TPH1: variants seen among roughly 807,000 people sequenced by gnomAD.
The protein encoded by TPH1 is tryptophan hydroxylase 1.
A neutral mutation model predicts 49.5 loss-of-function variants in TPH1; 37 were observed. That is an observed-to-expected ratio of 0.75 (90% CI 0.58 to 0.98). The LOEUF is 0.98. TPH1 is among the 50% of genes least tolerant of loss of function. The pLI is 0.00. For synonymous variants in TPH1, 160 were observed against 182.1 expected (o/e 0.88, Z 0.98); for missense variants, 487 against 523.6 (o/e 0.93, Z 0.68).
In TPH1 at chr11:18,019,758, A is replaced by T. The variant is rs1590257885; in HGVS notation, c.*1233T>A. 1 of 457,476 alleles carries T rather than the reference A, an allele frequency of 2.2e-6. No individual in the cohort carries two copies. 28.3% of individuals were successfully genotyped at this position (457,476 alleles called of 1,614,324 possible). A position where few individuals can be genotyped will look rare whatever the true frequency, so the allele number is the denominator to read the frequency against. The stretch of plus-strand genomic sequence containing the variant: ...TAGTGACTAGAGGGAGGAAAGGGGC[A>T]AATTAAAGAGACATAAGTTTGTATT... On this transcript the variant is annotated 3_prime_UTR_variant, in exon 11 of 11. Coordinates refer to ENST00000682019, the MANE Select transcript of TPH1 (RefSeq NM_004179.3).
intron 3 of TPH1, 138 bp from the exon 4 acceptor site, chr11:18,033,512 A>G: frequency 1.5e-6 from 1 of 687,372 alleles, no homozygotes; most frequent in Non-Finnish European, 2.5e-6. Flanking sequence ...GGCAAGATTT[A>G]TATGAGTTAG....
Position 18,020,120 on chromosome 11 carries a change from A to T in TPH1, c.*871T>A, listed in dbSNP as rs767230692. The T allele has an allele frequency of 4.9e-6, 1 of 205,628 alleles. No homozygotes were observed. The highest frequency in any genetic ancestry group is 5.4e-5 in the Admixed American group (1 of 18,552). 12.7% of individuals were successfully genotyped at this position (205,628 alleles called of 1,614,324 possible). A position where few individuals can be genotyped will look rare whatever the true frequency, so the allele number is the denominator to read the frequency against. ...CTGTTAATCTGGGGACAATCCCATT[A>T]TAATACCTAGGACCACATGTCTGAG... On this transcript the variant is annotated 3_prime_UTR_variant, in exon 11 of 11. Transcript: ENST00000682019.
chr11:18,045,911 T>G (rs1014872342), intron 1 of TPH1, among the ~76,000 whole-genome samples: 3 of 152,142 alleles, frequency 2.0e-5, no homozygotes, highest in Non-Finnish European at 2.9e-5. Context: ...TCACACAGAC[T>G]TGGGTTGGAC....
rs1047508247 is a variant in TPH1, at chr11:18,031,538, G to C, written c.402+1736C>G. Among the ~76,000 whole-genome samples, 25 of 152,238 alleles carry C rather than the reference G, an allele frequency of 1.6e-4. No homozygotes were observed. In the East Asian group the frequency reaches 4.6e-3, roughly 28 times the overall value. Reference sequence around the variant, plus strand: ...AATAATAGTCATATTGAGGTTTTAGGTCATTCTAATGAGGATAAGGAGGAG... The same window carrying C: ...AATAATAGTCATATTGAGGTTTTAGCTCATTCTAATGAGGATAAGGAGGAG... On this transcript the variant is annotated intron_variant, in intron 4 of 10. Transcript: ENST00000682019.
intron 4 of TPH1, among the ~76,000 whole-genome samples, chr11:18,030,371 A>T (rs1026221705): frequency 1.3e-5 from 2 of 151,896 alleles, no homozygotes; most frequent in Non-Finnish European, 2.9e-5. Context: ...GCAGTGAGGT[A>T]TGATGGTGCT....
chr11:18,033,408 A>G (rs1554898834), intron 3 of TPH1, 34 bp from the exon 4 acceptor site: 1 of 1,471,424 alleles, frequency 6.8e-7, no homozygotes, highest in South Asian at 1.2e-5. Context: ...AATAAAAACC[A>G]GTAAAAGTTG....
intron 4 of TPH1, among the ~76,000 whole-genome samples, chr11:18,030,050 CAAT>C (rs1026553381): frequency 2.6e-5 from 4 of 152,044 alleles, no homozygotes; most frequent in Admixed American, 6.5e-5. Context: ...TTTGCAGAAA[CAAT>C]GATGATTTAA....
Position 18,018,856 on chromosome 11 carries a change from C to G in TPH1, c.*2135G>C, listed in dbSNP as rs1854325286. ...GTTATCAAAGTTGTATGAAAATAAC[C>G]ACATATAGTATGCATAATTTGTGTT... On this transcript the variant is annotated 3_prime_UTR_variant, in exon 11 of 11. Transcript: ENST00000682019. The G allele has an allele frequency of 6.6e-6, 1 of 151,566 alleles. No homozygotes were observed. Among genetic ancestry groups the G allele is most frequent in the South Asian group, 2.1e-4 (1 of 4,800 alleles). The allele number at this position is 151,566 out of a possible 1,614,324, so 9.4% of individuals were successfully genotyped here.
At chr11:18,026,361 C>T (rs1847928437) in intron 7 of TPH1, 129 bp downstream of exon 7, 1 of 879,824 alleles carries the variant, frequency 1.1e-6, no homozygotes, top group Non-Finnish European at 1.7e-6. Context: ...CTAAATGCTT[C>T]ACATGTGCTA....
At chr11:18,030,227 AG>A (rs1265459319) in intron 4 of TPH1, among the ~76,000 whole-genome samples, 2 of 151,086 alleles carry the variant, frequency 1.3e-5, no homozygotes, top group Non-Finnish European at 3.0e-5. Context: ...TGGGCAACAA[AG>A]GGAGACCCTG....
chr11:18,020,445 G>A lies in TPH1; in HGVS notation c.*546C>T, dbSNP rs538144815. On this transcript the variant is annotated 3_prime_UTR_variant, in exon 11 of 11. Coordinates refer to ENST00000682019, the MANE Select transcript of TPH1 (RefSeq NM_004179.3). ...TTACTAGGTATCCTCCATGTGCAAA[G>A]GCCTCTATACTTTTGCTCATGCTAG... The A allele has an allele frequency of 6.3e-6, 1 of 158,226 alleles. No individual in the cohort carries two copies. Among genetic ancestry groups the A allele is most frequent in the South Asian group, 1.9e-4 (1 of 5,380 alleles). The allele number at this position is 158,226 out of a possible 1,614,324, so 9.8% of individuals were successfully genotyped here.
At chr11:18,039,772 C>G (rs1848082700) in intron 2 of TPH1, among the ~76,000 whole-genome samples, 1 of 152,140 alleles carries the variant, frequency 6.6e-6, no homozygotes, top group African/African-American at 2.4e-5. Context: ...TGGTACCTGA[C>G]ACATAGTAAG....
In TPH1 at chr11:18,018,688, A is replaced by AAAAAAAAAAAAAAAG. The variant is rs1854323309; in HGVS notation, c.*2302_*2303insCTTTTTTTTTTTTTT. On this transcript the variant is annotated 3_prime_UTR_variant, in exon 11 of 11. Coordinates refer to ENST00000682019, the MANE Select transcript of TPH1 (RefSeq NM_004179.3). ...CTCAAAAAAAAAAAAAAAAAAAAAA[A>AAAAAAAAAAAAAAAG]AAAAAAAAAAAAAAAAAAAATTCCA... is the stretch of plus-strand genomic sequence containing the variant. The AAAAAAAAAAAAAAAG allele has an allele frequency of 6.9e-6, 1 of 145,026 alleles. No individual in the cohort carries two copies. Among genetic ancestry groups the AAAAAAAAAAAAAAAG allele is most frequent in the African/African-American group, 2.6e-5 (1 of 38,220 alleles). The allele number at this position is 145,026 out of a possible 1,614,324, so 9.0% of individuals were successfully genotyped here. A position where few individuals can be genotyped will look rare whatever the true frequency, so the allele number is the denominator to read the frequency against.
chr11:18,037,877 C>T (rs1292173044), intron 2 of TPH1, among the ~76,000 whole-genome samples: 6 of 152,110 alleles, frequency 3.9e-5, no homozygotes, highest in South Asian at 2.1e-4. Context: ...GTGTCAGAGC[C>T]GGAATTCAAA....
Position 18,019,048 on chromosome 11 carries a change from C to G in TPH1, c.*1943G>C, listed in dbSNP as rs1854328819. The G allele has an allele frequency of 6.6e-6, 1 of 151,916 alleles. No individual in the cohort carries two copies. Among genetic ancestry groups the G allele is most frequent in the African/African-American group, 2.4e-5 (1 of 41,358 alleles). 9.4% of individuals were successfully genotyped at this position (151,916 alleles called of 1,614,324 possible). A position where few individuals can be genotyped will look rare whatever the true frequency, so the allele number is the denominator to read the frequency against. The stretch of plus-strand genomic sequence containing the variant: ...CAGATAATCAATATTTCAAATGATT[C>G]TAGATTAGCTAGCATCTATTTACCA... On this transcript the variant is annotated 3_prime_UTR_variant, in exon 11 of 11. Coordinates refer to ENST00000682019, the MANE Select transcript of TPH1 (RefSeq NM_004179.3).
intron 4 of TPH1, among the ~76,000 whole-genome samples, chr11:18,032,258 G>A (rs1409023054): frequency 6.6e-6 from 1 of 152,118 alleles, no homozygotes; most frequent in East Asian, 1.9e-4. Context: ...CAACTTCCTA[G>A]TTCATCAACT....
intron 1 of TPH1, among the ~76,000 whole-genome samples, chr11:18,045,351 A>T (rs1001733424): frequency 3.9e-5 from 6 of 152,228 alleles, no homozygotes; most frequent in Non-Finnish European, 7.3e-5. Flanking sequence ...GGCAGAGAAA[A>T]TGGAAATAGA....
At chr11:18,021,964 G>A (rs560540470) in intron 10 of TPH1, among the ~76,000 whole-genome samples, 35 of 152,276 alleles carry the variant, frequency 2.3e-4, no homozygotes, top group African/African-American at 8.2e-4. Context: ...TGACATTTAT[G>A]CTAGAGGAAT....
Position 18,026,476 on chromosome 11 carries a change from A to C in TPH1, c.803+14T>G. 1 of 1,613,522 alleles carries C rather than the reference A, an allele frequency of 6.2e-7. No homozygotes were observed. Among genetic ancestry groups the C allele is most frequent in the Non-Finnish European group, 8.5e-7 (1 of 1,179,648 alleles). On this transcript the variant is annotated intron_variant, in intron 7 of 10. Coordinates refer to ENST00000682019, the MANE Select transcript of TPH1 (RefSeq NM_004179.3). Reference sequence around the variant, plus strand: ...ACCATTTGATGAATTCCTGGCTGAAATAGAAGTACTTACGGCTCTGGGGTA... The same window carrying C: ...ACCATTTGATGAATTCCTGGCTGAACTAGAAGTACTTACGGCTCTGGGGTA...
Sources: allele counts gnomAD v4.1 joint callset (sites outside exome capture counted in the v4.1 genomes callset), GRCh38; gene constraint gnomAD v4.1.1; transcripts MANE v1.5; gene names NCBI Gene and HGNC (gene_info 2026-07-23, HGNC 2026-07-21).